LBR: variants seen among roughly 807,000 people sequenced by gnomAD.
The protein encoded by LBR is lamin B receptor.
In LBR, 28 loss-of-function variants were observed where a neutral mutation model predicts 74.3. That is an observed-to-expected ratio of 0.38 (90% confidence interval 0.28 to 0.52). LBR has a LOEUF of 0.52. Among genes scored for constraint, LBR ranks in the 20% least tolerant of loss-of-function variants. The probability of loss-of-function intolerance (pLI) is 0.89; values close to 1 mark genes in which losing one functional copy is unlikely to be tolerated. For missense variants in LBR, 717 were observed against 760.3 expected (o/e 0.94, Z 0.67); for synonymous variants, 228 against 269.3 (o/e 0.85, Z 1.50).
chr1:225,408,602 G>C (rs1253273066), intron 10 of LBR, among the ~76,000 whole-genome samples: 1 of 152,234 alleles, frequency 6.6e-6, no homozygotes, highest in Non-Finnish European at 1.5e-5. Flanking sequence ...CAAGTGACCT[G>C]ACAGAAGTTA....
rs555386914 is a variant in LBR at position 225,419,673 on chromosome 1, G to GA, written c.450+41dup. ...GAGAGTCACTTTTAACCAAAAAAAA[G>GA]AAAAAAAAAAACAACCAAGATGAAA... On this transcript the variant is annotated intron_variant, in intron 4 of 13. Coordinates refer to ENST00000272163, the MANE Select transcript of LBR (RefSeq NM_002296.4). The GA allele has an allele frequency of 0.091, 82,282 of 906,382 alleles. 30 individuals are homozygous for GA. The highest frequency in any genetic ancestry group is 0.11 in the East Asian group (2,626 of 23,310). 56.1% of individuals were successfully genotyped at this position (906,382 alleles called of 1,614,324 possible).
chr1:225,423,436 G>A (rs2096132218), intron 2 of LBR, among the ~76,000 whole-genome samples: 1 of 151,764 alleles, frequency 6.6e-6, no homozygotes, highest in Non-Finnish European at 1.5e-5. Flanking sequence ...CTCCTGCTTA[G>A]CCCTCCCCTA....
intron 10 of LBR, 36 bp downstream of exon 10, chr1:225,410,255 T>C (rs766101648): frequency 1.4e-5 from 22 of 1,612,444 alleles, no homozygotes; most frequent in Admixed American, 3.3e-5. Flanking sequence ...CTCAAAGCCA[T>C]CTGACTCCAA....
chr1:225,416,848 A>G (rs2096118052), intron 6 of LBR, among the ~76,000 whole-genome samples: 1 of 152,232 alleles, frequency 6.6e-6, no homozygotes, highest in South Asian at 2.1e-4. Flanking sequence ...TAAAGGCAAC[A>G]AAGTATACAA....
rs1538930 is a variant in LBR, at chr1:225,410,607, A to C, written c.1189-191T>G. On this transcript the variant is annotated intron_variant, in intron 9 of 13. Transcript: ENST00000272163. ...ATGCACTGAGAAGGACACAGCTATC[A>C]TTTCTGTGTTCCTGTCACAGTGGGT... Among the ~76,000 whole-genome samples the C allele has an allele frequency of 0.59, 88,948 of 152,010 alleles. 27,999 individuals carry two copies. The highest frequency in any genetic ancestry group is 0.85 in the East Asian group (4,415 of 5,180).
At chr1:225,428,354 A>G (rs1274474219), upstream of LBR, among the ~76,000 whole-genome samples, 1 of 152,008 alleles carries the variant, frequency 6.6e-6, no homozygotes, top group Non-Finnish European at 1.5e-5. Flanking sequence ...CTCGCAGCAC[A>G]CGGAGCCCGC....
chr1:225,404,598 T>C (rs1326118162), intron 12 of LBR, 28 bp downstream of exon 12: 4 of 1,571,962 alleles, frequency 2.5e-6, no homozygotes, highest in African/African-American at 2.7e-5. Context: ...ATGTAATATA[T>C]ATAATATAAA....
intron 5 of LBR, 31 bp downstream of exon 5, chr1:225,419,232 T>C: frequency 6.2e-7 from 1 of 1,609,500 alleles, no homozygotes; most frequent in Non-Finnish European, 8.5e-7. Flanking sequence ...TCACCCCACC[T>C]GCCCTCTCTG....
intron 11 of LBR, among the ~76,000 whole-genome samples, chr1:225,406,402 C>T (rs1162438787): frequency 3.3e-5 from 5 of 152,076 alleles, no homozygotes; most frequent in Non-Finnish European, 4.4e-5. Flanking sequence ...GTTACCAAAA[C>T]GAATTAAAAC....
At chr1:225,406,616 A>C (rs1480599899) in intron 11 of LBR, 48 bp downstream of exon 11, 2 of 1,515,352 alleles carry the variant, frequency 1.3e-6, no homozygotes, top group Non-Finnish European at 1.8e-6. Flanking sequence ...TAAAAGCCTC[A>C]GTACATAATA....
chr1:225,415,990 T>TCCCCCCC (rs1234360073), intron 6 of LBR, among the ~76,000 whole-genome samples: 4 of 151,956 alleles, frequency 2.6e-5, no homozygotes, highest in Non-Finnish European at 5.9e-5. Flanking sequence ...ATCACTTGAG[T>TCCCCCCC]CCAGGAGTTG....
At chr1:225,411,252 C>G in intron 9 of LBR, 85 bp downstream of exon 9, 1 of 956,876 alleles carries the variant, frequency 1.0e-6, no homozygotes, top group Non-Finnish European at 1.7e-6. Flanking sequence ...CCACCCACTG[C>G]TTATTTTTGA....
intron 11 of LBR, 103 bp downstream of exon 11, chr1:225,406,561 T>G (rs1376761859): frequency 1.5e-5 from 15 of 1,023,038 alleles, no homozygotes; most frequent in Non-Finnish European, 1.9e-5. Flanking sequence ...GAGCTAATGC[T>G]GGCCATTCAA....
intron 9 of LBR, among the ~76,000 whole-genome samples, 183 bp from the exon 10 acceptor site, chr1:225,410,599 C>T (rs2096102877): frequency 6.6e-6 from 1 of 152,192 alleles, no homozygotes; most frequent in Admixed American, 6.5e-5. Context: ...GAGAAGGACA[C>T]AGCTATCATT....
At chr1:225,416,213 AAG>A (rs900533691) in intron 6 of LBR, among the ~76,000 whole-genome samples, 14 of 137,896 alleles carry the variant, frequency 1.0e-4, no homozygotes, top group South Asian at 2.4e-4. Flanking sequence ...AAAAAAAAAA[AAG>A]AGAGAGAGAG....
At chr1:225,417,619 T>C (rs1264038470) in intron 6 of LBR, 1 of 200,006 alleles carries the variant, frequency 5.0e-6, no homozygotes, top group African/African-American at 2.3e-5. Flanking sequence ...GTGAATTTTT[T>C]TTCCATAGCA....
At chr1:225,415,233 T>G (rs1310946459) in intron 7 of LBR, 45 bp downstream of exon 7, 1 of 1,252,524 alleles carries the variant, frequency 8.0e-7, no homozygotes, top group Non-Finnish European at 1.2e-6. Context: ...CTTAGAAGTT[T>G]AAGCTATCAA....
Position 225,422,265 on chromosome 1 carries a change from A to G in LBR, c.178T>C (p.Phe60Leu), listed in dbSNP as rs763775687. 1 of 1,613,474 alleles carries G rather than the reference A, an allele frequency of 6.2e-7. No homozygotes were observed. Among genetic ancestry groups the G allele is most frequent in the South Asian group, 1.1e-5 (1 of 91,046 alleles). ...KENDIKPLTS[F>L]RQRKGGSTSS... ...GTTGAGCCACCTTTCCTTTGCCTAA[A>G]GGAAGTTAAAGGCTAGAAAGGGGGA... is the stretch of plus-strand genomic sequence containing the variant. The change falls in exon 3 of 14, where the codon TTT (phenylalanine) becomes CTT (leucine). Residue 60 changes from phenylalanine to leucine, a missense_variant. Transcript: ENST00000272163.
chr1:225,411,410 CG>C lies in LBR; in HGVS notation c.1114del (p.Arg372ValfsTer3). 6.2e-7 allele frequency: 1 copy of C among 1,613,782 alleles called. No homozygotes were observed. The highest frequency in any genetic ancestry group is 8.5e-7 in the Non-Finnish European group (1 of 1,179,670). On this transcript the variant is annotated frameshift_variant, in exon 9 of 14. Coordinates refer to ENST00000272163, the MANE Select transcript of LBR (RefSeq NM_002296.4). LOFTEE classifies it high-confidence loss of function. ...GNAVYDFFIGRELNPRIGTFD... is the reference protein window; with the variant it reads ...GNAVYDFFIGXELNPRIGTFD... ...AGTACCAATTCGAGGGTTTAATTCA[CG>C]GCCAATGAAGAAATCATAGACAGCA...
Sources: allele counts gnomAD v4.1 joint callset (sites outside exome capture counted in the v4.1 genomes callset), GRCh38; gene constraint gnomAD v4.1.1; transcripts MANE v1.5; gene names NCBI Gene and HGNC (gene_info 2026-07-23, HGNC 2026-07-21).